Variants in PRKN observed in about 807,000 individuals in gnomAD.
The protein encoded by PRKN is E3 ubiquitin-protein ligase parkin.
A neutral mutation model predicts 59.5 loss-of-function variants in PRKN; 56 were observed. That is an observed-to-expected ratio of 0.94 (90% CI 0.76 to 1.18). PRKN has a LOEUF of 1.18. PRKN is among the 50% of genes most tolerant of loss of function. PRKN has a pLI of 0.00. For synonymous variants in PRKN, 250 were observed against 222.1 expected (o/e 1.13, Z -1.12); for missense variants, 657 against 596.4 (o/e 1.10, Z -1.06).
At chr6:161,541,736 G>A (rs1312168877) in intron 9 of PRKN, among the ~76,000 whole-genome samples, 3 of 151,848 alleles carry the variant, frequency 2.0e-5, no homozygotes, top group Admixed American at 6.6e-5. Flanking sequence ...CAGGAGAATC[G>A]TTTGAACCTT....
intron 7 of PRKN, among the ~76,000 whole-genome samples, chr6:161,784,801 T>C (rs1790347639): frequency 1.3e-5 from 2 of 152,148 alleles, no homozygotes; most frequent in South Asian, 4.1e-4. Flanking sequence ...CAGAAACTTA[T>C]ATATGAATGT....
Position 161,931,154 on chromosome 6 carries a change from G to A in PRKN, c.734+42148C>T, listed in dbSNP as rs571737766. Among the ~76,000 whole-genome samples, 12 of 152,286 alleles carry A rather than the reference G, an allele frequency of 7.9e-5. No individual in the cohort carries two copies. In the East Asian group the frequency reaches 1.2e-3, roughly 15 times the overall value. On this transcript the variant is annotated intron_variant, in intron 6 of 11. Coordinates refer to ENST00000366898, the MANE Select transcript of PRKN (RefSeq NM_004562.3). ...TGTGGGAGGTCAAAGTAGACACGGC[G>A]GCTGGGCGTGGTGGCTCACGCCTGT...
intron 1 of PRKN, chr6:162,695,121 G>A (rs1032917965): frequency 6.6e-6 from 1 of 152,078 alleles, no homozygotes; most frequent in Non-Finnish European, 1.5e-5. Context: ...TCTGCTTGAG[G>A]CAATAAGAAT....
intron 7 of PRKN, among the ~76,000 whole-genome samples, chr6:161,646,685 G>A (rs1057220180): frequency 1.3e-5 from 2 of 152,196 alleles, no homozygotes; most frequent in Admixed American, 1.3e-4. Flanking sequence ...TGTATGGATG[G>A]GTGGTGTTTG....
chr6:161,630,788 A>C (rs1783274497), intron 7 of PRKN, among the ~76,000 whole-genome samples: 1 of 152,152 alleles, frequency 6.6e-6, no homozygotes, highest in Non-Finnish European at 1.5e-5. Flanking sequence ...TGAATCAAAA[A>C]AGACACGTGG....
At chr6:162,022,290 T>G (rs1360204486) in intron 5 of PRKN, among the ~76,000 whole-genome samples, 1 of 152,194 alleles carries the variant, frequency 6.6e-6, no homozygotes, top group African/African-American at 2.4e-5. Flanking sequence ...GTTGTGCTAA[T>G]TTACACGCCC....
intron 5 of PRKN, among the ~76,000 whole-genome samples, chr6:162,007,424 G>A (rs138672049): frequency 1.3e-5 from 2 of 152,260 alleles, no homozygotes; most frequent in African/African-American, 4.8e-5. Flanking sequence ...CCGTCCCAGA[G>A]TATAATGTGA....
rs560603094 is a variant in PRKN, at chr6:161,526,831, G to C, written c.1083+22023C>G. On this transcript the variant is annotated intron_variant, in intron 9 of 11. Transcript: ENST00000366898. The surrounding 1 kb of genome is among the most constrained non-coding windows in gnomAD (Gnocchi z 4.1). ...AAATTTATTACATACATATGCATGA[G>C]AGTCCCTCAAAATATAAGGCTCAAA... 1.3e-5 allele frequency among the ~76,000 whole-genome samples: 2 copies of C among 152,272 alleles called. No homozygotes were observed. The highest frequency in any genetic ancestry group is 4.8e-5 in the African/African-American group (2 of 41,558).
intron 2 of PRKN, among the ~76,000 whole-genome samples, chr6:162,321,415 C>T (rs1783019370): frequency 6.6e-6 from 1 of 151,836 alleles, no homozygotes; most frequent in Non-Finnish European, 1.5e-5. Context: ...AACTTTTAGG[C>T]CCAGATGTCT....
At chr6:162,270,386 G>T (rs11966606) in intron 2 of PRKN, 13,774 of 152,026 alleles carry the variant, frequency 0.091, 673 homozygotes, top group African/African-American at 0.11. Context: ...GGGGAGTGAG[G>T]GATAAAATAC....
intron 5 of PRKN, among the ~76,000 whole-genome samples, chr6:161,977,060 ACAGTAAATTT>A (rs1206268787): frequency 6.6e-6 from 1 of 152,248 alleles, no homozygotes; most frequent in Non-Finnish European, 1.5e-5. Flanking sequence ...GTATGCCTCA[ACAGTAAATTT>A]CAGTGCTTTC....
intron 7 of PRKN, among the ~76,000 whole-genome samples, chr6:161,736,692 A>G (rs1787978839): frequency 1.3e-5 from 2 of 152,232 alleles, no homozygotes. Context: ...CAAGATTCCT[A>G]AGACATGACT....
At chr6:162,215,265 T>C (rs762177627) in intron 3 of PRKN, among the ~76,000 whole-genome samples, 1 of 152,166 alleles carries the variant, frequency 6.6e-6, no homozygotes, top group African/African-American at 2.4e-5. Flanking sequence ...CTGGTGTTGA[T>C]GAATAAAAAC....
chr6:161,881,091 A>T (rs1328092759), intron 6 of PRKN, among the ~76,000 whole-genome samples: 1 of 152,208 alleles, frequency 6.6e-6, no homozygotes, highest in Non-Finnish European at 1.5e-5. Flanking sequence ...GGGCCTCACC[A>T]ATGCCTCTGC....
At chr6:162,559,470 G>A (rs1397108529) in intron 1 of PRKN, among the ~76,000 whole-genome samples, 2 of 152,160 alleles carry the variant, frequency 1.3e-5, no homozygotes, top group African/African-American at 2.4e-5. Flanking sequence ...TATCATTTAG[G>A]TTCACCTTGT....
chr6:161,664,729 C>A (rs1385783948), intron 7 of PRKN, among the ~76,000 whole-genome samples: 4 of 151,694 alleles, frequency 2.6e-5, no homozygotes, highest in Admixed American at 2.6e-4. Context: ...ACAAAACTGA[C>A]CAATAAAAGA....
At chr6:162,529,789 A>T (rs1303659027) in intron 1 of PRKN, among the ~76,000 whole-genome samples, 1 of 152,190 alleles carries the variant, frequency 6.6e-6, no homozygotes, top group Non-Finnish European at 1.5e-5. Context: ...GTTTATGGTC[A>T]AGGTTGTTTT....
At chr6:162,458,714 AT>A (rs1791025443) in intron 1 of PRKN, among the ~76,000 whole-genome samples, 1 of 149,504 alleles carries the variant, frequency 6.7e-6, no homozygotes, top group Non-Finnish European at 1.5e-5. Context: ...TAAATTTTCC[AT>A]GCAACAATAG....
intron 4 of PRKN, among the ~76,000 whole-genome samples, chr6:162,153,541 A>G (rs757643489): frequency 6.6e-6 from 1 of 152,204 alleles, no homozygotes; most frequent in Non-Finnish European, 1.5e-5. Flanking sequence ...AAGGGGCATT[A>G]TAACAGCCTT....
Sources: allele counts gnomAD v4.1 joint callset (sites outside exome capture counted in the v4.1 genomes callset), GRCh38; gene constraint gnomAD v4.1.1; non-coding constraint Gnocchi (gnomAD v3.1); transcripts MANE v1.5; gene names NCBI Gene and HGNC (gene_info 2026-07-23, HGNC 2026-07-21).